ERC2: variants seen among roughly 807,000 people sequenced by gnomAD.
ERC2 encodes ELKS/RAB6-interacting/CAST family member 2.
In ERC2, 42 loss-of-function variants were observed where a neutral mutation model predicts 114.8. The observed-to-expected ratio is 0.37, with a 90% CI of 0.29 to 0.47. The LOEUF (loss-of-function observed/expected upper bound fraction) is 0.47, where lower values mean the gene tolerates loss of function less well. Among genes scored for constraint, ERC2 ranks in the 20% least tolerant of loss-of-function variants. The pLI is 0.99. For missense variants in ERC2, 939 were observed against 1,150.7 expected (o/e 0.82, Z 2.66); for synonymous variants, 454 against 425.5 (o/e 1.07, Z -0.82).
intron 14 of ERC2, among the ~76,000 whole-genome samples, chr3:55,758,766 A>G (rs561213523): frequency 1.2e-4 from 18 of 152,304 alleles, no homozygotes; most frequent in South Asian, 4.1e-4. Context: ...ACTCCCTGCA[A>G]AAAGCTCAAA....
At chr3:56,210,423 A>C (rs901719682) in intron 3 of ERC2, among the ~76,000 whole-genome samples, 13 of 152,238 alleles carry the variant, frequency 8.5e-5, no homozygotes, top group African/African-American at 2.7e-4. Context: ...CTGATGGCAT[A>C]TTCTTGAGGG....
At chr3:55,561,155 TAA>T (rs34947750) in intron 17 of ERC2, among the ~76,000 whole-genome samples, 1 of 145,964 alleles carries the variant, frequency 6.9e-6, no homozygotes, top group Non-Finnish European at 1.5e-5. Context: ...TGCTTTTCTT[TAA>T]AAAAAAAAAA....
At chr3:56,055,825 A>G (rs978815390) in intron 7 of ERC2, among the ~76,000 whole-genome samples, 2 of 152,184 alleles carry the variant, frequency 1.3e-5, no homozygotes, top group Non-Finnish European at 2.9e-5. Flanking sequence ...GCATGCCCTC[A>G]TGCTGAGAAT....
At chr3:56,029,481 T>A (rs2074248187) in intron 7 of ERC2, among the ~76,000 whole-genome samples, 1 of 152,108 alleles carries the variant, frequency 6.6e-6, no homozygotes, top group Non-Finnish European at 1.5e-5. Context: ...TCAGGAGCCT[T>A]TTAACTACAC....
intron 17 of ERC2, among the ~76,000 whole-genome samples, chr3:55,540,903 T>A (rs1185982204): frequency 6.6e-6 from 1 of 152,162 alleles, no homozygotes; most frequent in Non-Finnish European, 1.5e-5. Context: ...TACTTCCCAG[T>A]CACTGCAAGA....
At chr3:55,807,386 C>T (rs895203167) in intron 14 of ERC2, among the ~76,000 whole-genome samples, 2 of 152,076 alleles carry the variant, frequency 1.3e-5, no homozygotes, top group African/African-American at 4.8e-5. Context: ...CTTTTTGTTC[C>T]TTCCTGAATG....
chr3:56,240,882 C>T (rs1383433879), intron 3 of ERC2, among the ~76,000 whole-genome samples: 2 of 152,070 alleles, frequency 1.3e-5, no homozygotes, highest in African/African-American at 2.4e-5. Context: ...GTGGATATAT[C>T]GTGTGATGCT....
chr3:55,883,036 AT>A (rs1160697071), intron 14 of ERC2, among the ~76,000 whole-genome samples: 1 of 152,150 alleles, frequency 6.6e-6, no homozygotes, highest in African/African-American at 2.4e-5. Flanking sequence ...TCCTTCACTC[AT>A]TTTACTAAAA....
chr3:56,365,259 T>A (rs1430862393), intron 2 of ERC2, among the ~76,000 whole-genome samples: 1 of 152,240 alleles, frequency 6.6e-6, no homozygotes, highest in African/African-American at 2.4e-5. Flanking sequence ...GTATTTTTCC[T>A]ATATCTTATC....
intron 2 of ERC2, among the ~76,000 whole-genome samples, chr3:56,411,114 A>G (rs1355500412): frequency 6.6e-6 from 1 of 150,876 alleles, no homozygotes; most frequent in Admixed American, 6.6e-5. Flanking sequence ...AACTCAAACT[A>G]CAATCAATTC....
At chr3:56,143,668 T>C (rs2080990765) in intron 5 of ERC2, among the ~76,000 whole-genome samples, 1 of 152,238 alleles carries the variant, frequency 6.6e-6, no homozygotes, top group African/African-American at 2.4e-5. Flanking sequence ...TGGGTATGTC[T>C]TTATTAGCAG....
intron 3 of ERC2, among the ~76,000 whole-genome samples, chr3:56,190,646 C>G (rs970861164): frequency 3.3e-5 from 5 of 151,922 alleles, no homozygotes; most frequent in Non-Finnish European, 7.4e-5. Context: ...GCTTAGTTGA[C>G]CAGGTTGGTC....
intron 17 of ERC2, among the ~76,000 whole-genome samples, chr3:55,536,201 C>T (rs1054215545): frequency 2.6e-5 from 4 of 152,144 alleles, no homozygotes; most frequent in African/African-American, 4.8e-5. Flanking sequence ...CAGCTGCCTC[C>T]ACTCTCTGAT....
At chr3:56,270,930 C>T (rs1020542029) in intron 3 of ERC2, among the ~76,000 whole-genome samples, 3 of 152,058 alleles carry the variant, frequency 2.0e-5, no homozygotes, top group African/African-American at 7.2e-5. Context: ...TGCAGCGAGC[C>T]GAGATTTCGC....
At chr3:56,165,271 A>G (rs1189778031) in intron 4 of ERC2, among the ~76,000 whole-genome samples, 1 of 151,952 alleles carries the variant, frequency 6.6e-6, no homozygotes, top group Non-Finnish European at 1.5e-5. Context: ...GCTTCTTCCA[A>G]CATTATTTTG....
chr3:55,620,464 G>C (rs919320984), intron 17 of ERC2, among the ~76,000 whole-genome samples: 2 of 152,162 alleles, frequency 1.3e-5, no homozygotes, highest in Non-Finnish European at 2.9e-5. Context: ...GAGCCCTAAA[G>C]CAGCACGGAC....
intron 3 of ERC2, among the ~76,000 whole-genome samples, chr3:56,192,370 T>C (rs2150072375): frequency 6.6e-6 from 1 of 152,308 alleles, no homozygotes. Context: ...ATGAGATAAA[T>C]GTCTATTAAA....
chr3:55,661,420 C>T (rs1009493878), intron 17 of ERC2, among the ~76,000 whole-genome samples: 2 of 152,190 alleles, frequency 1.3e-5, no homozygotes, highest in Admixed American at 6.5e-5. Context: ...CTCATAGCCC[C>T]TTTCCTTTTA....
At chr3:56,197,309 G>A (rs2048166632) in intron 3 of ERC2, among the ~76,000 whole-genome samples, 1 of 152,206 alleles carries the variant, frequency 6.6e-6, no homozygotes, top group Non-Finnish European at 1.5e-5. Flanking sequence ...AGAGTTAAAT[G>A]TGACAATATA....
Sources: allele counts gnomAD v4.1 joint callset (sites outside exome capture counted in the v4.1 genomes callset), GRCh38; gene constraint gnomAD v4.1.1; transcripts MANE v1.5; gene names NCBI Gene and HGNC (gene_info 2026-07-23, HGNC 2026-07-21).